ANO1: variants seen among roughly 807,000 people sequenced by gnomAD.
The protein encoded by ANO1 is anoctamin 1.
A neutral mutation model predicts 124.0 loss-of-function variants in ANO1; 59 were observed. The observed-to-expected ratio is 0.48, with a 90% CI of 0.39 to 0.59. The LOEUF (loss-of-function observed/expected upper bound fraction) is 0.59, where lower values mean the gene tolerates loss of function less well. Among genes scored for constraint, ANO1 ranks in the 20% least tolerant of loss-of-function variants. The pLI is 0.00. For synonymous variants in ANO1, 529 were observed against 532.0 expected (o/e 0.99, Z 0.08); for missense variants, 1,059 against 1,328.0 (o/e 0.80, Z 3.15).
chr11:70,181,468 GC>G (rs1202300534), intron 23 of ANO1, among the ~76,000 whole-genome samples: 3 of 152,252 alleles, frequency 2.0e-5, no homozygotes, highest in Non-Finnish European at 4.4e-5. Context: ...CACCGGGATG[GC>G]CCCTTATCCC....
At chr11:70,145,691 C>T (rs2047343802) in intron 11 of ANO1, among the ~76,000 whole-genome samples, 1 of 152,230 alleles carries the variant, frequency 6.6e-6, no homozygotes, top group South Asian at 2.1e-4. Flanking sequence ...AATCCCAGCA[C>T]TTTGGGAGGC....
At chr11:70,130,809 T>C (rs1255381773) in intron 10 of ANO1, among the ~76,000 whole-genome samples, 2 of 152,204 alleles carry the variant, frequency 1.3e-5, no homozygotes, top group African/African-American at 4.8e-5. Flanking sequence ...AGGGTGGGCC[T>C]CCGCTGCACC....
chr11:70,165,482 G>A lies in ANO1; in HGVS notation c.1963G>A (p.Gly655Ser), dbSNP rs1343250143. Residue 655 changes from glycine (G) to serine (S), a missense_variant, in exon 20 of 26, where the codon GGC becomes AGC. Physicochemically the swap from Gly to Ser is moderately conservative, Grantham distance 56. Transcript: ENST00000355303. ...SFRMEECAPG[G>S]CLMELCIQLS... ...TCTCTGTCCACAGTGTGCGCCAGGGGGCTGCCTGATGGAGCTATGCATCCA... is the reference window on the plus strand; with the variant it reads ...TCTCTGTCCACAGTGTGCGCCAGGGAGCTGCCTGATGGAGCTATGCATCCA... 6.2e-7 allele frequency: 1 copy of A among 1,610,582 alleles called. No individual in the cohort carries two copies.
In ANO1 at chr11:70,188,009, G is replaced by T; in HGVS notation, c.*5G>T. The stretch of plus-strand genomic sequence containing the variant: ...TACCACGGGGGCGTCCTGTAGCTAT[G>T]CCAGCGGGGCTGGGCAGGCCAGCCG... On this transcript the variant is annotated 3_prime_UTR_variant, in exon 26 of 26. Coordinates refer to ENST00000355303, the MANE Select transcript of ANO1 (RefSeq NM_018043.7). 1 of 1,554,652 alleles carries T rather than the reference G, an allele frequency of 6.4e-7. No individual in the cohort carries two copies.
At chr11:70,103,192 T>C in intron 3 of ANO1, 28 bp downstream of exon 3, 8 of 1,579,388 alleles carry the variant, frequency 5.1e-6, no homozygotes, top group Non-Finnish European at 6.0e-6. Context: ...TGCTCCGAAA[T>C]GAATCGCCAA....
At chr11:70,085,323 CT>C (rs968706439) in intron 1 of ANO1, 33 of 1,392,096 alleles carry the variant, frequency 2.4e-5, no homozygotes, top group Admixed American at 5.4e-5. Context: ...ACCCTTCCCC[CT>C]GAGCCCTCCC....
chr11:70,060,617 A>C (rs1857551074), intron 1 of ANO1, among the ~76,000 whole-genome samples: 1 of 152,188 alleles, frequency 6.6e-6, no homozygotes, highest in African/African-American at 2.4e-5. Flanking sequence ...TGTGAGGAGG[A>C]TATTAATGCT....
At chr11:70,145,482 C>G (rs200412029) in intron 11 of ANO1, among the ~76,000 whole-genome samples, 1 of 152,044 alleles carries the variant, frequency 6.6e-6, no homozygotes, top group Non-Finnish European at 1.5e-5. Context: ...GTGTCTGAGC[C>G]AAACAAGCCA....
chr11:70,160,175 T>C (rs1456433709), intron 16 of ANO1, among the ~76,000 whole-genome samples: 3 of 152,020 alleles, frequency 2.0e-5, no homozygotes, highest in Non-Finnish European at 4.4e-5. Flanking sequence ...CACCCTTGCA[T>C]GGGAGCAAAT....
the ANO1 span, among the ~76,000 whole-genome samples, chr11:69,971,057 G>A: frequency 3.3e-5 from 5 of 152,302 alleles, no homozygotes; most frequent in African/African-American, 1.2e-4. Context: ...GTAAAAACTA[G>A]GCAATCTCTT....
At chr11:70,178,028 C>T (rs897736003) in intron 22 of ANO1, among the ~76,000 whole-genome samples, 4 of 152,262 alleles carry the variant, frequency 2.6e-5, no homozygotes, top group Non-Finnish European at 5.9e-5. Flanking sequence ...GCCTCTGCTC[C>T]GGCACCAGAA....
intron 1 of ANO1, among the ~76,000 whole-genome samples, chr11:70,086,855 G>T (rs982255015): frequency 1.3e-5 from 2 of 152,146 alleles, no homozygotes; most frequent in Admixed American, 1.3e-4. Context: ...CAAGTAAAAC[G>T]CTTGCACCCC....
intron 1 of ANO1, among the ~76,000 whole-genome samples, chr11:70,062,850 G>A (rs904872066): frequency 1.3e-5 from 2 of 152,226 alleles, no homozygotes; most frequent in South Asian, 2.1e-4. Flanking sequence ...TGGGCAAGAC[G>A]TTGGACTTCC....
At position 70,138,272 on chromosome 11, in the gene ANO1, G is replaced by C. The variant is rs142600741; in HGVS notation, c.1258+6193G>C. Among the ~76,000 whole-genome samples the C allele has an allele frequency of 8.7e-3, 1,123 of 128,744 alleles. 41 individuals carry two copies. Among genetic ancestry groups the C allele is most frequent in the African/African-American group, 0.027 (1,076 of 39,694 alleles). The allele number at this position is 128,744 out of a possible 152,430, so 84.5% of individuals were successfully genotyped here. On this transcript the variant is annotated intron_variant, in intron 11 of 25. Transcript: ENST00000355303. ...AGGCAGGAGAATCACTTGAACCCGG[G>C]AGGCAGAGGTTGCAGTGAGCCAAGA...
chr11:70,122,454 GTCTC>G (rs1363002775), intron 8 of ANO1, among the ~76,000 whole-genome samples: 1 of 104,956 alleles, frequency 9.5e-6, no homozygotes, highest in Non-Finnish European at 1.9e-5. Flanking sequence ...ACCTCTCTCT[GTCTC>G]TCTGTCTCTG....
intron 1 of ANO1, among the ~76,000 whole-genome samples, chr11:70,030,513 G>A (rs1037832032): frequency 2.6e-5 from 4 of 152,012 alleles, no homozygotes; most frequent in Non-Finnish European, 5.9e-5. Context: ...CAAGTCATCC[G>A]CAGGACTGGT....
At chr11:70,004,473 C>T (rs918221877) in intron 1 of ANO1, among the ~76,000 whole-genome samples, 1 of 152,220 alleles carries the variant, frequency 6.6e-6, no homozygotes, top group Non-Finnish European at 1.5e-5. Context: ...TAAGGTGAGG[C>T]AACCTCTCAC....
chr11:70,163,724 G>A lies in ANO1; in HGVS notation c.1950+384G>A. 4.3e-6 allele frequency: 2 copies of A among 469,402 alleles called. 1 individual carries two copies. The highest frequency in any genetic ancestry group is 5.9e-5 in the South Asian group (2 of 33,664). The allele number at this position is 469,402 out of a possible 1,614,324, so 29.1% of individuals were successfully genotyped here. A position where few individuals can be genotyped will look rare whatever the true frequency, so the allele number is the denominator to read the frequency against. ...GGCCGAGACTCGTGGATCACCTGAGGTCAGGAGTTCGAGAGCAGCCTGGCC... is the reference window on the plus strand; with the variant it reads ...GGCCGAGACTCGTGGATCACCTGAGATCAGGAGTTCGAGAGCAGCCTGGCC... On this transcript the variant is annotated intron_variant, in intron 19 of 25. Coordinates refer to ENST00000355303, the MANE Select transcript of ANO1 (RefSeq NM_018043.7).
At chr11:70,147,491 G>A (rs1270797457) in intron 11 of ANO1, among the ~76,000 whole-genome samples, 4 of 152,234 alleles carry the variant, frequency 2.6e-5, no homozygotes, top group Admixed American at 2.6e-4. Context: ...GAGTGGCTGG[G>A]TTTCCAGCAG....
Sources: allele counts gnomAD v4.1 joint callset (sites outside exome capture counted in the v4.1 genomes callset), GRCh38; gene constraint gnomAD v4.1.1; transcripts MANE v1.5; gene names NCBI Gene and HGNC (gene_info 2026-07-23, HGNC 2026-07-21).